FAM135B: variants seen among roughly 807,000 people sequenced by gnomAD.
FAM135B encodes the protein protein FAM135B.
A neutral mutation model predicts 127.7 loss-of-function variants in FAM135B; 43 were observed. That is an observed-to-expected ratio of 0.34 (90% CI 0.26 to 0.43). The LOEUF (loss-of-function observed/expected upper bound fraction) is 0.43. Among genes scored for constraint, FAM135B ranks in the 20% least tolerant of loss-of-function variants. The pLI, the probability that FAM135B is intolerant of heterozygous loss-of-function variation, is 1.00. For missense variants in FAM135B, 1,558 were observed against 1,725.6 expected (o/e 0.90, Z 1.72); for synonymous variants, 670 against 665.1 (o/e 1.01, Z -0.11).
At chr8:138,161,655 C>T (rs1819404597) in intron 12 of FAM135B, among the ~76,000 whole-genome samples, 1 of 152,086 alleles carries the variant, frequency 6.6e-6, no homozygotes, top group South Asian at 2.1e-4. Context: ...GACATGATGC[C>T]TTTGAATGAA....
intron 1 of FAM135B, chr8:138,441,580 C>T (rs1342583602): frequency 1.3e-5 from 2 of 152,178 alleles, no homozygotes; most frequent in Non-Finnish European, 2.9e-5. Flanking sequence ...ATGCTTTCTC[C>T]AGTTAGTACA....
At chr8:138,189,858 C>A (rs143614348) in intron 9 of FAM135B, among the ~76,000 whole-genome samples, 158 of 152,310 alleles carry the variant, frequency 1.0e-3, no homozygotes, top group African/African-American at 3.7e-3. Context: ...AAGTCAGCAA[C>A]AACAAGGAAG....
chr8:138,189,758 C>A (rs1256158114), intron 9 of FAM135B, among the ~76,000 whole-genome samples: 1 of 152,160 alleles, frequency 6.6e-6, no homozygotes, highest in African/African-American at 2.4e-5. Context: ...AGCTCCAGTG[C>A]CTACGCTCCA....
rs1165458992 is a variant in FAM135B, at chr8:138,153,134, G to C, written c.1341C>G (p.Asn447Lys). The change falls in exon 13 of 20, where the codon AAC (asparagine) becomes AAG (lysine). Residue 447 changes from asparagine (N) to lysine (K), a missense_variant. Asn to Lys is a moderately conservative substitution (Grantham distance 94, BLOSUM62 0). Coordinates refer to ENST00000395297, the MANE Select transcript of FAM135B (RefSeq NM_015912.4). ...TIMNLKDKEDNCMVNSNLSFR... is the reference protein window; with the variant it reads ...TIMNLKDKEDKCMVNSNLSFR... ...AAGATAAATTGCTATTTACCATACA[G>C]TTATCTTCCTTGTCTTTCAGATTCA... is the stretch of plus-strand genomic sequence containing the variant. 1 of 1,612,418 alleles carries C rather than the reference G, an allele frequency of 6.2e-7. No individual in the cohort carries two copies. The highest frequency in any genetic ancestry group is 8.5e-7 in the Non-Finnish European group (1 of 1,178,808).
At chr8:138,230,939 T>C (rs1819857892) in intron 7 of FAM135B, among the ~76,000 whole-genome samples, 1 of 152,220 alleles carries the variant, frequency 6.6e-6, no homozygotes, top group Non-Finnish European at 1.5e-5. Context: ...GCTTTGTTGC[T>C]TGGCTCTTCA....
intron 2 of FAM135B, among the ~76,000 whole-genome samples, chr8:138,336,271 G>C (rs1828574651): frequency 6.6e-6 from 1 of 152,086 alleles, no homozygotes; most frequent in African/African-American, 2.4e-5. Context: ...CAGAACTGAA[G>C]GAAATAGAGA....
chr8:138,180,904 G>A (rs1305169270), intron 9 of FAM135B, among the ~76,000 whole-genome samples: 1 of 152,078 alleles, frequency 6.6e-6, no homozygotes, highest in Non-Finnish European at 1.5e-5. Context: ...ACAGGGAATG[G>A]CCATTCTTGG....
chr8:138,435,549 T>A (rs1835412477), intron 1 of FAM135B, among the ~76,000 whole-genome samples: 1 of 152,142 alleles, frequency 6.6e-6, no homozygotes, highest in Non-Finnish European at 1.5e-5. Context: ...CTTATTAGAA[T>A]GCAATAATAT....
At chr8:138,297,997 G>A (rs1270962902) in intron 3 of FAM135B, among the ~76,000 whole-genome samples, 3 of 152,144 alleles carry the variant, frequency 2.0e-5, no homozygotes, top group African/African-American at 7.2e-5. Context: ...CCGGGAGCTG[G>A]ACCATCTGGA....
At chr8:138,380,086 T>A (rs544296302) in intron 1 of FAM135B, among the ~76,000 whole-genome samples, 128 of 152,246 alleles carry the variant, frequency 8.4e-4, no homozygotes, top group Middle Eastern at 3.2e-3. Context: ...TTGAATCACA[T>A]GAAGGCATCA....
intron 1 of FAM135B, among the ~76,000 whole-genome samples, chr8:138,426,010 T>TATATATATACAC (rs1563992442): frequency 6.2e-5 from 1 of 16,204 alleles, no homozygotes; most frequent in African/African-American, 6.3e-4. Flanking sequence ...TATATATATA[T>TATATATATACAC]ATACACACAC....
intron 7 of FAM135B, among the ~76,000 whole-genome samples, chr8:138,226,927 C>T (rs1336046153): frequency 1.3e-5 from 2 of 152,142 alleles, no homozygotes; most frequent in Non-Finnish European, 1.5e-5. Context: ...AAACTCCTGA[C>T]CTCAAATGAT....
At chr8:138,256,314 G>C (rs181477709) in intron 5 of FAM135B, among the ~76,000 whole-genome samples, 1 of 152,170 alleles carries the variant, frequency 6.6e-6, no homozygotes, top group Admixed American at 6.5e-5. Flanking sequence ...GTAGAATCCT[G>C]GAAGAATCTC....
At chr8:138,163,329 G>A (rs924178780) in intron 12 of FAM135B, among the ~76,000 whole-genome samples, 1 of 152,150 alleles carries the variant, frequency 6.6e-6, no homozygotes, top group Non-Finnish European at 1.5e-5. Context: ...GGATAGAGAG[G>A]CATGGTGTGG....
chr8:138,254,305 T>C (rs1821915384), intron 5 of FAM135B, among the ~76,000 whole-genome samples: 1 of 152,226 alleles, frequency 6.6e-6, no homozygotes, highest in Non-Finnish European at 1.5e-5. Context: ...ACTGTTTTGT[T>C]GAACAGAAGG....
chr8:138,486,310 G>A (rs1337082976), intron 1 of FAM135B, among the ~76,000 whole-genome samples: 1 of 152,072 alleles, frequency 6.6e-6, no homozygotes, highest in Non-Finnish European at 1.5e-5. Flanking sequence ...AGGATCAGAG[G>A]GTAGTAGGGC....
intron 11 of FAM135B, among the ~76,000 whole-genome samples, chr8:138,175,375 C>A (rs1239141751): frequency 6.6e-6 from 1 of 151,694 alleles, no homozygotes; most frequent in Non-Finnish European, 1.5e-5. Flanking sequence ...GACAACTATT[C>A]TGTCTACCTA....
chr8:138,425,866 G>A (rs1834810706), intron 1 of FAM135B, among the ~76,000 whole-genome samples: 1 of 150,960 alleles, frequency 6.6e-6, no homozygotes, highest in Admixed American at 6.6e-5. Context: ...ATATACTATG[G>A]GGTCTGTCGT....
chr8:138,488,884 C>T (rs1042803963), intron 1 of FAM135B, among the ~76,000 whole-genome samples: 1 of 152,176 alleles, frequency 6.6e-6, no homozygotes, highest in African/African-American at 2.4e-5. Flanking sequence ...CCAGTATGGT[C>T]TCGAGGTCCT....
Sources: allele counts gnomAD v4.1 joint callset (sites outside exome capture counted in the v4.1 genomes callset), GRCh38; gene constraint gnomAD v4.1.1; transcripts MANE v1.5; gene names NCBI Gene and HGNC (gene_info 2026-07-23, HGNC 2026-07-21).